The following NF2 variants were observed in gnomAD, a reference collection of about 807,000 sequenced individuals.
The protein encoded by NF2 is NF2, moesin-ezrin-radixin like (MERLIN) tumor suppressor, also known as merlin.
In NF2, 8 loss-of-function variants were observed where a neutral mutation model predicts 83.7. That is an observed-to-expected ratio of 0.10 (90% CI 0.06 to 0.17). The LOEUF is 0.17. NF2 is among the 10% of genes least tolerant of loss of function. The pLI is 1.00. For missense variants in NF2, 533 were observed against 744.4 expected (o/e 0.72, Z 3.31); for synonymous variants, 266 against 269.6 (o/e 0.99, Z 0.13).
chr22:29,678,673 G>C (rs981452975), intron 14 of NF2, among the ~76,000 whole-genome samples: 1 of 152,194 alleles, frequency 6.6e-6, no homozygotes, highest in Non-Finnish European at 1.5e-5. Flanking sequence ...CTGGACTGTA[G>C]TCACCTCCTA....
intron 9 of NF2, among the ~76,000 whole-genome samples, 169 bp downstream of exon 9, chr22:29,665,233 GA>G (rs2066586792): frequency 7.7e-6 from 1 of 129,852 alleles, no homozygotes; most frequent in Non-Finnish European, 1.7e-5. Context: ...ATATCATGAA[GA>G]AGTTTTTTTT....
intron 1 of NF2, among the ~76,000 whole-genome samples, chr22:29,625,745 G>C (rs1191249556): frequency 6.6e-6 from 1 of 152,208 alleles, no homozygotes; most frequent in Non-Finnish European, 1.5e-5. Context: ...CCTAGTGCAG[G>C]AATCTGTGTG....
intron 14 of NF2, among the ~76,000 whole-genome samples, chr22:29,679,435 A>G (rs961180186): frequency 1.3e-5 from 2 of 152,150 alleles, no homozygotes; most frequent in Non-Finnish European, 2.9e-5. Flanking sequence ...AGACATATAC[A>G]TTTATGTGGT....
At chr22:29,639,020 G>T (rs924335445) in intron 2 of NF2, 70 bp from the exon 3 acceptor site, 29 of 1,610,428 alleles carry the variant, frequency 1.8e-5, no homozygotes, top group Non-Finnish European at 2.5e-6. Context: ...CCTTGCAAAG[G>T]CTTCTTTGAG....
intron 1 of NF2, among the ~76,000 whole-genome samples, chr22:29,621,771 G>T (rs544575574): frequency 6.6e-6 from 1 of 152,052 alleles, no homozygotes; most frequent in Non-Finnish European, 1.5e-5. Context: ...ACTTCCTCAC[G>T]CACCCTCTTG....
chr22:29,640,951 T>C (rs1172863609), intron 3 of NF2, among the ~76,000 whole-genome samples: 3 of 151,872 alleles, frequency 2.0e-5, no homozygotes, highest in Admixed American at 6.6e-5. Context: ...CTGACCAACA[T>C]GGAGAAACCC....
chr22:29,689,440 C>T (rs964632872), intron 15 of NF2, among the ~76,000 whole-genome samples: 3 of 152,000 alleles, frequency 2.0e-5, no homozygotes, highest in Non-Finnish European at 2.9e-5. Context: ...CCCGCTCCTT[C>T]GTTTTCAATA....
At chr22:29,691,655 G>C (rs1263463091) in intron 15 of NF2, among the ~76,000 whole-genome samples, 4 of 152,242 alleles carry the variant, frequency 2.6e-5, no homozygotes, top group Non-Finnish European at 2.9e-5. Flanking sequence ...GTAACAGCCA[G>C]TGAGCTTTCT....
At chr22:29,609,744 T>G (rs567598946) in intron 1 of NF2, among the ~76,000 whole-genome samples, 1 of 152,300 alleles carries the variant, frequency 6.6e-6, no homozygotes, top group African/African-American at 2.4e-5. Context: ...TTGAGAGCCT[T>G]GATTTTTATA....
chr22:29,664,217 C>T (rs1259375540), intron 8 of NF2, among the ~76,000 whole-genome samples: 3 of 152,156 alleles, frequency 2.0e-5, no homozygotes, highest in Non-Finnish European at 4.4e-5. Context: ...AAGCGATCCT[C>T]CTGCTTTGGC....
At position 29,695,383 on chromosome 22, in the gene NF2, C is replaced by T. The variant is rs922770398; in HGVS notation, c.*581C>T. ...GTCCCCGCCAGGCACCCCGAGGCGG[C>T]GCTCTGGCTGGCAGCTGGTGGGGAA... On this transcript the variant is annotated 3_prime_UTR_variant, in exon 16 of 16. Transcript: ENST00000338641. This position sits in a 1 kb window ranked among gnomAD's most constrained non-coding sequence, Gnocchi z 5.4. 2.7e-5 allele frequency: 7 copies of T among 259,132 alleles called. No homozygotes were observed. Among genetic ancestry groups the T allele is most frequent in the East Asian group, 2.1e-4 (4 of 18,964 alleles). The allele number at this position is 259,132 out of a possible 1,614,324, so 16.1% of individuals were successfully genotyped here.
At chr22:29,692,643 G>A (rs1297590379) in intron 15 of NF2, among the ~76,000 whole-genome samples, 1 of 152,206 alleles carries the variant, frequency 6.6e-6, no homozygotes, top group Non-Finnish European at 1.5e-5. Flanking sequence ...CACTTGGCCC[G>A]CCTGGTAGGC....
In NF2 at chr22:29,603,898, C is replaced by A; in HGVS notation, c.-101C>A. ...ACCGTTCCCGGGCCGGGCAGCCGGC[C>A]ACCATGGTGGCCCTGAGGCCTGTGC... On this transcript the variant is annotated 5_prime_UTR_variant, in exon 1 of 16. Transcript: ENST00000338641. 2 of 915,516 alleles carry A rather than the reference C, an allele frequency of 2.2e-6. No individual in the cohort carries two copies. The highest frequency in any genetic ancestry group is 1.5e-5 in the South Asian group (1 of 65,170). The allele number at this position is 915,516 out of a possible 1,614,324, so 56.7% of individuals were successfully genotyped here. A position where few individuals can be genotyped will look rare whatever the true frequency, so the allele number is the denominator to read the frequency against.
Position 29,603,933 on chromosome 22 carries a change from AG to A in NF2, c.-60del, listed in dbSNP as rs1300486451. 4 of 1,297,826 alleles carry A rather than the reference AG, an allele frequency of 3.1e-6. No individual in the cohort carries two copies. Among genetic ancestry groups the A allele is most frequent in the African/African-American group, 1.5e-5 (1 of 68,006 alleles). 80.4% of individuals were successfully genotyped at this position (1,297,826 alleles called of 1,614,324 possible). A position where few individuals can be genotyped will look rare whatever the true frequency, so the allele number is the denominator to read the frequency against. On this transcript the variant is annotated 5_prime_UTR_variant, in exon 1 of 16. It removes the in-frame stop codon of an upstream open reading frame in the 5' UTR. Transcript: ENST00000338641. ...GCCCTGAGGCCTGTGCAGCAACTCC[AG>A]GGGGGCTAAAGGGCTCAGAGTGCAG... is the stretch of plus-strand genomic sequence containing the variant.
intron 15 of NF2, among the ~76,000 whole-genome samples, chr22:29,687,831 G>A (rs1325344776): frequency 6.6e-6 from 1 of 152,212 alleles, no homozygotes; most frequent in East Asian, 1.9e-4. Flanking sequence ...TTAACAGGGA[G>A]CAGTAGCAGC....
chr22:29,633,441 G>T (rs191554466), intron 1 of NF2, among the ~76,000 whole-genome samples: 1 of 152,056 alleles, frequency 6.6e-6, no homozygotes, highest in Non-Finnish European at 1.5e-5. Flanking sequence ...CCTCTTTTCC[G>T]TTTCTCAGGC....
chr22:29,642,380 A>G (rs2065835186), intron 4 of NF2, 95 bp downstream of exon 4: 6 of 982,490 alleles, frequency 6.1e-6, no homozygotes, highest in Non-Finnish European at 8.0e-6. Context: ...TCTGTACTTC[A>G]GAGAGACTTG....
At chr22:29,640,256 C>T (rs2065771108) in intron 3 of NF2, among the ~76,000 whole-genome samples, 1 of 151,396 alleles carries the variant, frequency 6.6e-6, no homozygotes, top group Admixed American at 6.6e-5. Flanking sequence ...TGGTTTGTCC[C>T]CCATATGTGG....
chr22:29,645,305 A>C (rs2065953536), intron 4 of NF2, among the ~76,000 whole-genome samples: 1 of 152,214 alleles, frequency 6.6e-6, no homozygotes, highest in Non-Finnish European at 1.5e-5. Context: ...CACTAAAGCA[A>C]GTATCTGCCC....
Sources: gnomAD v4.1 joint callset for allele counts (sites outside exome capture counted in the v4.1 genomes callset) on GRCh38, gnomAD v4.1.1 for gene constraint, Gnocchi (gnomAD v3.1) non-coding constraint, MANE v1.5 for transcripts, NCBI Gene and HGNC (gene_info 2026-07-23, HGNC 2026-07-21) for gene names.